PLPPR1: variants seen among roughly 807,000 people sequenced by gnomAD.
PLPPR1 encodes the protein phospholipid phosphatase related 1.
Under a neutral mutation model 33.1 loss-of-function variants are expected in PLPPR1, and 10 were observed. That is an observed-to-expected ratio of 0.30 (90% CI 0.19 to 0.51). The LOEUF (loss-of-function observed/expected upper bound fraction) is 0.51. Among genes scored for constraint, PLPPR1 ranks in the 20% least tolerant of loss-of-function variants. The pLI is 0.97. For missense variants in PLPPR1, 304 were observed against 408.1 expected (o/e 0.74, Z 2.20); for synonymous variants, 151 against 151.0 (o/e 1.00, Z 0.00).
chr9:101,101,493 C>A (rs1830898293), intron 1 of PLPPR1, among the ~76,000 whole-genome samples: 1 of 150,500 alleles, frequency 6.6e-6, no homozygotes, highest in African/African-American at 2.4e-5. Context: ...TTCTTGAAGA[C>A]CTGAGGATAA....
At chr9:101,051,349 C>T (rs1357061196) in intron 1 of PLPPR1, among the ~76,000 whole-genome samples, 1 of 152,048 alleles carries the variant, frequency 6.6e-6, no homozygotes, top group Non-Finnish European at 1.5e-5. Flanking sequence ...ATTATTGCCC[C>T]ATTACTCAAC....
At chr9:101,255,067 T>G (rs1312479076) in intron 2 of PLPPR1, among the ~76,000 whole-genome samples, 7 of 152,172 alleles carry the variant, frequency 4.6e-5, no homozygotes, top group Non-Finnish European at 1.0e-4. Flanking sequence ...GCTAATTTGA[T>G]TAGACATAAA....
intron 1 of PLPPR1, among the ~76,000 whole-genome samples, chr9:101,180,846 T>C (rs1826097548): frequency 1.3e-5 from 2 of 151,814 alleles, no homozygotes; most frequent in South Asian, 4.2e-4. Flanking sequence ...ATTTTAGATA[T>C]GACCCCAAAA....
chr9:101,266,296 C>T (rs2118888589), intron 2 of PLPPR1, among the ~76,000 whole-genome samples: 1 of 150,702 alleles, frequency 6.6e-6, no homozygotes, highest in East Asian at 2.0e-4. Flanking sequence ...GGCGTGATGG[C>T]ATGCACCTGT....
intron 1 of PLPPR1, among the ~76,000 whole-genome samples, chr9:101,062,821 G>C (rs955110340): frequency 6.6e-6 from 1 of 152,008 alleles, no homozygotes; most frequent in Non-Finnish European, 1.5e-5. Flanking sequence ...TGTTGTCTTT[G>C]GGCTTGTGTT....
rs569428322 is a variant in PLPPR1 at position 101,076,423 on chromosome 9, G to A, written c.-46+47321G>A. On this transcript the variant is annotated intron_variant, in intron 1 of 7. Transcript: ENST00000374874. ...TATGTATATGTTCTGACTAAAAATT[G>A]TGGCTCAGCGGGAAAGAACAATTAG... is the stretch of plus-strand genomic sequence containing the variant. Among the ~76,000 whole-genome samples the A allele has an allele frequency of 7.9e-5, 12 of 152,268 alleles. No homozygotes were observed. The South Asian group carries it at 2.5e-3, about 32-fold the overall frequency.
intron 4 of PLPPR1, among the ~76,000 whole-genome samples, chr9:101,297,314 A>C (rs1426760088): frequency 6.6e-6 from 1 of 152,186 alleles, no homozygotes. Flanking sequence ...CAAAAACTTC[A>C]ACTTGCTTCT....
chr9:101,097,389 G>C (rs570730961), intron 1 of PLPPR1, among the ~76,000 whole-genome samples: 1 of 152,290 alleles, frequency 6.6e-6, no homozygotes, highest in Admixed American at 6.5e-5. Flanking sequence ...AGGGACAAAT[G>C]TATCACCCAA....
At chr9:101,149,944 T>C (rs1831561893) in intron 1 of PLPPR1, among the ~76,000 whole-genome samples, 1 of 152,178 alleles carries the variant, frequency 6.6e-6, no homozygotes, top group South Asian at 2.1e-4. Flanking sequence ...CCCTTTGACT[T>C]CTACATCTAT....
At chr9:101,041,327 A>C (rs1320760532) in intron 1 of PLPPR1, among the ~76,000 whole-genome samples, 1 of 152,220 alleles carries the variant, frequency 6.6e-6, no homozygotes, top group Non-Finnish European at 1.5e-5. Flanking sequence ...AGATGAAATT[A>C]AGTGGTACCC....
intron 5 of PLPPR1, 36 bp downstream of exon 5, chr9:101,309,497 T>A (rs1828918369): frequency 2.5e-6 from 4 of 1,602,440 alleles, no homozygotes; most frequent in Non-Finnish European, 3.4e-6. Flanking sequence ...TAAGTCCAGT[T>A]TTTGATAGGA....
At chr9:101,156,191 A>G (rs1056943919) in intron 1 of PLPPR1, among the ~76,000 whole-genome samples, 7 of 152,134 alleles carry the variant, frequency 4.6e-5, no homozygotes, top group African/African-American at 1.7e-4. Context: ...GTATACCACT[A>G]CTTTCATTTG....
intron 1 of PLPPR1, among the ~76,000 whole-genome samples, chr9:101,113,525 G>C (rs73495940): frequency 0.03 from 4,583 of 151,724 alleles, 103 homozygotes; most frequent in African/African-American, 0.068. Flanking sequence ...AATGTACCCA[G>C]GGCACTACAA....
At chr9:101,046,614 G>T (rs474701) in intron 1 of PLPPR1, among the ~76,000 whole-genome samples, 1,833 of 151,240 alleles carry the variant, frequency 0.012, 18 homozygotes, top group Non-Finnish European at 0.015. Context: ...TAATTTTTTT[G>T]TGTGTTTTTA....
chr9:101,223,463 A>G (rs960562960), intron 2 of PLPPR1, among the ~76,000 whole-genome samples: 2 of 152,174 alleles, frequency 1.3e-5, no homozygotes, highest in African/African-American at 2.4e-5. Flanking sequence ...GTATCAATTT[A>G]AAGAAAATGA....
At chr9:101,286,047 G>A (rs536516609) in intron 3 of PLPPR1, 57 bp from the exon 4 acceptor site, 2 of 1,460,506 alleles carry the variant, frequency 1.4e-6, no homozygotes, top group Admixed American at 1.8e-5. Context: ...TAAAGCCATG[G>A]GCCTCTCTTA....
intron 1 of PLPPR1, among the ~76,000 whole-genome samples, chr9:101,079,737 A>G (rs1856529): frequency 0.61 from 92,028 of 151,818 alleles, 27,857 homozygotes; most frequent in East Asian, 0.64. Flanking sequence ...GCGCCACAAC[A>G]CCTGGCTAAT....
chr9:101,197,114 C>T (rs1826411181), intron 2 of PLPPR1, among the ~76,000 whole-genome samples: 1 of 152,146 alleles, frequency 6.6e-6, no homozygotes, highest in Non-Finnish European at 1.5e-5. Flanking sequence ...CTGAGATTTT[C>T]ATCTGTGTTC....
intron 1 of PLPPR1, among the ~76,000 whole-genome samples, chr9:101,178,001 A>T (rs188392189): frequency 3.0e-4 from 45 of 152,346 alleles, no homozygotes; most frequent in African/African-American, 9.9e-4. Flanking sequence ...AGTAAAATGT[A>T]AATATAAAAG....
Sources: gnomAD v4.1 joint callset for allele counts (sites outside exome capture counted in the v4.1 genomes callset) on GRCh38, gnomAD v4.1.1 for gene constraint, MANE v1.5 for transcripts, NCBI Gene and HGNC (gene_info 2026-07-23, HGNC 2026-07-21) for gene names.